The following KIAA1549L variants were observed in gnomAD, a reference collection of about 807,000 sequenced individuals.
KIAA1549L encodes the protein KIAA1549 like.
In KIAA1549L, 88 loss-of-function variants were observed where a neutral mutation model predicts 160.7. That is an observed-to-expected ratio of 0.55 (90% CI 0.46 to 0.65). The LOEUF (loss-of-function observed/expected upper bound fraction) is 0.65, where lower values mean the gene tolerates loss of function less well. KIAA1549L is among the 30% of genes least tolerant of loss of function. KIAA1549L has a pLI of 0.00. For synonymous variants in KIAA1549L, 950 were observed against 976.7 expected (o/e 0.97, Z 0.51); for missense variants, 2,258 against 2,437.5 (o/e 0.93, Z 1.55).
intron 5 of KIAA1549L, among the ~76,000 whole-genome samples, chr11:33,551,598 G>T (rs1854465517): frequency 6.6e-6 from 1 of 151,948 alleles, no homozygotes; most frequent in Non-Finnish European, 1.5e-5. Flanking sequence ...AAAATCTGTG[G>T]TTTGGAGTAA....
intron 6 of KIAA1549L, among the ~76,000 whole-genome samples, chr11:33,553,337 T>C (rs545995957): frequency 1.3e-5 from 2 of 150,684 alleles, no homozygotes; most frequent in South Asian, 2.1e-4. Flanking sequence ...TACGTAGATA[T>C]CATCCCACTA....
chr11:33,654,949 C>T (rs1016678019), intron 17 of KIAA1549L, among the ~76,000 whole-genome samples: 5 of 152,212 alleles, frequency 3.3e-5, no homozygotes, highest in Admixed American at 6.5e-5. Flanking sequence ...TGTGGATCCC[C>T]TGTGCTGCTG....
At chr11:33,455,534 G>A (rs936018929) in intron 1 of KIAA1549L, among the ~76,000 whole-genome samples, 1 of 152,104 alleles carries the variant, frequency 6.6e-6, no homozygotes, top group South Asian at 2.1e-4. Context: ...TTTCTTGTTT[G>A]GTTTATGGTG....
chr11:33,528,158 C>T (rs1329218469), intron 1 of KIAA1549L, among the ~76,000 whole-genome samples: 2 of 152,166 alleles, frequency 1.3e-5, no homozygotes, highest in African/African-American at 4.8e-5. Context: ...AAATTACCCA[C>T]TCTCAGGTAT....
intron 11 of KIAA1549L, among the ~76,000 whole-genome samples, chr11:33,588,501 A>G (rs930054021): frequency 2.0e-5 from 3 of 152,190 alleles, no homozygotes; most frequent in African/African-American, 7.2e-5. Flanking sequence ...AGGCCTGGAA[A>G]GGAGCTAAAT....
At chr11:33,587,082 G>A (rs943278304) in intron 11 of KIAA1549L, among the ~76,000 whole-genome samples, 3 of 152,138 alleles carry the variant, frequency 2.0e-5, no homozygotes, top group African/African-American at 4.8e-5. Flanking sequence ...AACAATAATC[G>A]TATAGAGTGT....
intron 9 of KIAA1549L, 50 bp downstream of exon 9, chr11:33,568,277 G>C (rs760829333): frequency 3.4e-4 from 531 of 1,542,694 alleles, no homozygotes; most frequent in Non-Finnish European, 4.3e-4. Context: ...GGGGTAGAGG[G>C]GGGGATGTGC....
At chr11:33,418,908 TG>T (rs58990659) in intron 1 of KIAA1549L, among the ~76,000 whole-genome samples, 89,990 of 138,030 alleles carry the variant, frequency 0.65, 28,200 homozygotes, top group South Asian at 0.69. Flanking sequence ...TTGGGTGGGG[TG>T]GGGTGTTTGG....
At chr11:33,402,139 A>G (rs1850513956) in intron 1 of KIAA1549L, among the ~76,000 whole-genome samples, 1 of 152,150 alleles carries the variant, frequency 6.6e-6, no homozygotes, top group African/African-American at 2.4e-5. Context: ...CCTCTTATGG[A>G]CACTTCAGCT....
At chr11:33,386,479 G>A (rs1393569062) in intron 1 of KIAA1549L, among the ~76,000 whole-genome samples, 1 of 151,932 alleles carries the variant, frequency 6.6e-6, no homozygotes. Flanking sequence ...TCAGAAGTTC[G>A]AAACCAGCCT....
intron 1 of KIAA1549L, among the ~76,000 whole-genome samples, chr11:33,395,606 A>G (rs1206765454): frequency 6.6e-6 from 1 of 152,032 alleles, no homozygotes; most frequent in African/African-American, 2.4e-5. Flanking sequence ...AACAGGTGGT[A>G]TTTGGTTACA....
At chr11:33,622,878 G>C (rs186795364) in intron 16 of KIAA1549L, among the ~76,000 whole-genome samples, 62 of 152,328 alleles carry the variant, frequency 4.1e-4, no homozygotes, top group African/African-American at 1.5e-3. Flanking sequence ...TGCTGAGGAA[G>C]GCCTGGGCGC....
At chr11:33,534,496 G>A (rs1853848573) in intron 1 of KIAA1549L, among the ~76,000 whole-genome samples, 1 of 152,094 alleles carries the variant, frequency 6.6e-6, no homozygotes, top group Non-Finnish European at 1.5e-5. Flanking sequence ...TGGGGGAAAG[G>A]AGAGACACTG....
intron 1 of KIAA1549L, among the ~76,000 whole-genome samples, chr11:33,533,186 A>G (rs1347128947): frequency 2.0e-5 from 3 of 152,314 alleles, no homozygotes; most frequent in East Asian, 1.9e-4. Context: ...TGTTTGCTAC[A>G]TGGCGGGAAT....
At chr11:33,472,774 T>A (rs1852207208) in intron 1 of KIAA1549L, among the ~76,000 whole-genome samples, 1 of 152,244 alleles carries the variant, frequency 6.6e-6, no homozygotes, top group Admixed American at 6.5e-5. Context: ...GTCCGTATTA[T>A]ATCCATGTTT....
intron 1 of KIAA1549L, among the ~76,000 whole-genome samples, chr11:33,511,623 T>G: frequency 6.6e-6 from 1 of 152,176 alleles, no homozygotes; most frequent in East Asian, 1.9e-4. Flanking sequence ...ATGCAGAGCC[T>G]TGGTGCCTAG....
At chr11:33,538,576 A>C (rs772930966) in intron 1 of KIAA1549L, among the ~76,000 whole-genome samples, 10 of 152,202 alleles carry the variant, frequency 6.6e-5, no homozygotes, top group Non-Finnish European at 1.5e-4. Context: ...CTTGAAAATC[A>C]ACTAATTTTT....
In KIAA1549L at chr11:33,645,734, C is replaced by T; in HGVS notation, c.5458C>T (p.Pro1820Ser). 1.2e-6 allele frequency: 2 copies of T among 1,613,982 alleles called. No individual in the cohort carries two copies. Among genetic ancestry groups the T allele is most frequent in the Non-Finnish European group, 1.7e-6 (2 of 1,179,866 alleles). Residue 1820 changes from proline to serine, a missense_variant, in exon 17 of 21, where the codon CCC becomes TCC. This residue lies in a region of KIAA1549L where 1,359 missense variants were observed against 1,546.6 expected (regional missense o/e 0.88). Coordinates refer to ENST00000658780, the MANE Select transcript of KIAA1549L (RefSeq NM_012194.3). ...EETNIDRVPE[P>S]RGYSRSRQVK... ...AACCAACATTGACAGAGTTCCTGAG[C>T]CCCGGGGCTATTCCAGGTCTCGACA...
At chr11:33,519,233 A>G (rs1853424868) in intron 1 of KIAA1549L, among the ~76,000 whole-genome samples, 1 of 152,196 alleles carries the variant, frequency 6.6e-6, no homozygotes, top group Non-Finnish European at 1.5e-5. Context: ...AAATTAATTT[A>G]GTGTTAAATT....
Sources: allele counts gnomAD v4.1 joint callset (sites outside exome capture counted in the v4.1 genomes callset), GRCh38; gene constraint gnomAD v4.1.1; regional missense constraint gnomAD v4.1.1; transcripts MANE v1.5; gene names NCBI Gene and HGNC (gene_info 2026-07-23, HGNC 2026-07-21).